OLFM3: variants seen among roughly 807,000 people sequenced by gnomAD.
OLFM3 encodes the protein noelin-3.
In OLFM3, 20 loss-of-function variants were observed where a neutral mutation model predicts 48.6. That is an observed-to-expected ratio of 0.41 (90% CI 0.29 to 0.60). The LOEUF is 0.60. Ranked by LOEUF, OLFM3 falls within the 20% of genes least tolerant of loss-of-function variation. The pLI is 0.28. For missense variants in OLFM3, 437 were observed against 544.3 expected, an observed-to-expected ratio of 0.80 and a Z score of 1.96; for synonymous variants, 222 against 198.1, an observed-to-expected ratio of 1.12 and a Z score of -1.01.
intron 1 of OLFM3, among the ~76,000 whole-genome samples, chr1:101,864,742 G>A (rs568103180): frequency 2.6e-4 from 39 of 152,054 alleles, no homozygotes; most frequent in African/African-American, 9.4e-4. Context: ...GTGAGGCTGG[G>A]GTCCTCTGAA....
intron 1 of OLFM3, among the ~76,000 whole-genome samples, chr1:101,976,652 T>A (rs1455238043): frequency 6.6e-6 from 1 of 152,198 alleles, no homozygotes. Flanking sequence ...AAACTGAGGC[T>A]TGTAGAAGTT....
chr1:101,855,691 TC>T (rs1412872395), intron 1 of OLFM3, among the ~76,000 whole-genome samples: 1 of 152,042 alleles, frequency 6.6e-6, no homozygotes, highest in Non-Finnish European at 1.5e-5. Flanking sequence ...AAGGGCTTGG[TC>T]CCCCTGCTTT....
chr1:101,815,295 A>G (rs1654274813), intron 4 of OLFM3, among the ~76,000 whole-genome samples: 1 of 151,992 alleles, frequency 6.6e-6, no homozygotes, highest in African/African-American at 2.4e-5. Flanking sequence ...AAATACAAAA[A>G]AAATAGCCGG....
intron 1 of OLFM3, among the ~76,000 whole-genome samples, chr1:101,840,607 A>C (rs1399151931): frequency 1.3e-5 from 2 of 151,902 alleles, no homozygotes; most frequent in African/African-American, 4.8e-5. Flanking sequence ...AGTAGCTGAG[A>C]CTGTAGGCAC....
At chr1:101,963,330 T>C (rs1412263501) in intron 1 of OLFM3, among the ~76,000 whole-genome samples, 1 of 152,214 alleles carries the variant, frequency 6.6e-6, no homozygotes, top group African/African-American at 2.4e-5. Flanking sequence ...CCTTGACCTC[T>C]AAATTCTTTT....
chr1:101,940,913 G>T (rs1659773872), intron 1 of OLFM3, among the ~76,000 whole-genome samples: 1 of 152,060 alleles, frequency 6.6e-6, no homozygotes, highest in South Asian at 2.1e-4. Context: ...ACTGAAAAGT[G>T]ATATTTGAGG....
At chr1:101,831,587 G>C (rs908678082) in intron 2 of OLFM3, among the ~76,000 whole-genome samples, 1 of 152,176 alleles carries the variant, frequency 6.6e-6, no homozygotes, top group Non-Finnish European at 1.5e-5. Flanking sequence ...AAAACAAAGA[G>C]AAAGCATCTA....
chr1:101,813,178 T>C (rs1488088419), intron 4 of OLFM3: 1 of 1,014,784 alleles, frequency 9.9e-7, no homozygotes, highest in Non-Finnish European at 1.3e-6. Flanking sequence ...AGAAGTTATA[T>C]TGGACCAAAT....
intron 1 of OLFM3, among the ~76,000 whole-genome samples, chr1:101,879,486 T>A (rs1163371417): frequency 6.6e-6 from 1 of 151,884 alleles, no homozygotes; most frequent in African/African-American, 2.4e-5. Context: ...AGATTTTGAT[T>A]GATATTGGTT....
chr1:101,953,000 A>T (rs1467428193), intron 1 of OLFM3, among the ~76,000 whole-genome samples: 2 of 152,118 alleles, frequency 1.3e-5, no homozygotes, highest in Non-Finnish European at 2.9e-5. Context: ...TTCTACCTTT[A>T]AGTTTTATTT....
chr1:101,957,280 T>G (rs1660327811), intron 1 of OLFM3, among the ~76,000 whole-genome samples: 1 of 152,010 alleles, frequency 6.6e-6, no homozygotes, highest in Non-Finnish European at 1.5e-5. Flanking sequence ...GATTTTGTGA[T>G]TGTTTGACAT....
At chr1:101,860,330 G>A (rs2050571) in intron 1 of OLFM3, among the ~76,000 whole-genome samples, 79,930 of 151,900 alleles carry the variant, frequency 0.53, 21,947 homozygotes, top group African/African-American at 0.64. Context: ...TCTTATCCTT[G>A]TTGTGAGGAT....
At chr1:101,871,886 A>G (rs1317130504) in intron 1 of OLFM3, among the ~76,000 whole-genome samples, 5 of 152,230 alleles carry the variant, frequency 3.3e-5, no homozygotes, top group South Asian at 2.1e-4. Context: ...CTTAAGTACC[A>G]CAGAGAGAAG....
chr1:101,937,517 A>G (rs762331808), intron 1 of OLFM3, among the ~76,000 whole-genome samples: 8 of 152,180 alleles, frequency 5.3e-5, no homozygotes, highest in Non-Finnish European at 1.0e-4. Context: ...ACAGTGAATA[A>G]GTCCCACAAG....
chr1:101,827,338 C>T (rs907913151), intron 3 of OLFM3, among the ~76,000 whole-genome samples: 8 of 149,814 alleles, frequency 5.3e-5, no homozygotes, highest in African/African-American at 2.0e-4. Context: ...TTTTTTGAGA[C>T]GGAGTCTCAC....
rs147506975 is a variant in OLFM3, at chr1:101,928,226, G to T, written c.69+68522C>A. Among the ~76,000 whole-genome samples the T allele has an allele frequency of 2.6e-5, 4 of 152,234 alleles. 1 individual carries two copies. In the East Asian group the frequency reaches 7.7e-4, roughly 29 times the overall value. ...GGATAATACATCTTTGACCACTGCC[G>T]TGGGAATACATGCCTTGGAAATACT... On this transcript the variant is annotated intron_variant, in intron 1 of 5. Coordinates refer to ENST00000370103, the MANE Select transcript of OLFM3 (RefSeq NM_058170.4).
At chr1:101,872,808 T>C (rs534612292) in intron 1 of OLFM3, among the ~76,000 whole-genome samples, 6 of 152,112 alleles carry the variant, frequency 3.9e-5, no homozygotes, top group Admixed American at 6.6e-5. Context: ...AAAAGGCTTG[T>C]TCTATCATTT....
chr1:101,811,167 T>G (rs549956539), intron 4 of OLFM3, among the ~76,000 whole-genome samples: 1 of 150,860 alleles, frequency 6.6e-6, no homozygotes, highest in East Asian at 1.9e-4. Flanking sequence ...GAAACAAACA[T>G]AATGTAATGT....
intron 4 of OLFM3, among the ~76,000 whole-genome samples, chr1:101,820,128 A>G (rs1247919824): frequency 1.3e-5 from 2 of 152,152 alleles, no homozygotes; most frequent in African/African-American, 4.8e-5. Flanking sequence ...TAGCCCATAG[A>G]TACTTTGGTT....
Sources: allele counts gnomAD v4.1 joint callset (sites outside exome capture counted in the v4.1 genomes callset), GRCh38; gene constraint gnomAD v4.1.1; transcripts MANE v1.5; gene names NCBI Gene and HGNC (gene_info 2026-07-23, HGNC 2026-07-21).